DLGAP2: variants seen among roughly 807,000 people sequenced by gnomAD.
DLGAP2 encodes disks large-associated protein 2.
In DLGAP2, 26 loss-of-function variants were observed where a neutral mutation model predicts 100.3. The ratio of observed to expected loss-of-function variants is 0.26; its 90% CI spans 0.19 to 0.36. The LOEUF is 0.36. Among genes scored for constraint, DLGAP2 ranks in the 10% least tolerant of loss-of-function variants. The pLI, the probability that DLGAP2 is intolerant of heterozygous loss-of-function variation, is 1.00. For synonymous variants in DLGAP2, 886 were observed against 630.1 expected (o/e 1.41, Z -6.08); for missense variants, 1,858 against 1,453.2 (o/e 1.28, Z -4.53).
At chr8:1,229,922 T>G (rs1009834859) in intron 2 of DLGAP2, among the ~76,000 whole-genome samples, 9 of 152,178 alleles carry the variant, frequency 5.9e-5, no homozygotes, top group African/African-American at 1.9e-4. Flanking sequence ...TAATACTGAA[T>G]AGACACAAGC....
At chr8:827,803 A>G (rs1397004957) in intron 1 of DLGAP2, among the ~76,000 whole-genome samples, 1 of 152,236 alleles carries the variant, frequency 6.6e-6, no homozygotes, top group Non-Finnish European at 1.5e-5. Context: ...AACTGAGGAC[A>G]CATTTATTAT....
intron 2 of DLGAP2, among the ~76,000 whole-genome samples, chr8:1,076,353 C>T (rs551057295): frequency 2.6e-5 from 4 of 152,236 alleles, no homozygotes; most frequent in East Asian, 1.9e-4. Flanking sequence ...CAGCTCACTA[C>T]GTGGCAGTGA....
rs115290223 is a variant in DLGAP2, at chr8:765,586, C to T, written c.18+27761C>T. Among the ~76,000 whole-genome samples the T allele has an allele frequency of 5.4e-3, 817 of 152,162 alleles. 8 individuals carry two copies. Among genetic ancestry groups the T allele is most frequent in the African/African-American group, 0.019 (778 of 41,494 alleles). ...AGTCCAGTTTATATTGAAAACAGCA[C>T]CCCAAAATGGTCCTGAAACAACAGT... On this transcript the variant is annotated intron_variant, in intron 1 of 14. Coordinates refer to ENST00000637795, the MANE Select transcript of DLGAP2 (RefSeq NM_001346810.2).
chr8:1,216,662 G>A (rs1314190474), intron 2 of DLGAP2, among the ~76,000 whole-genome samples: 3 of 151,984 alleles, frequency 2.0e-5, no homozygotes, highest in African/African-American at 7.3e-5. Context: ...CCGCCAATAA[G>A]TATTTATCTA....
intron 3 of DLGAP2, among the ~76,000 whole-genome samples, chr8:1,293,735 A>G (rs1032322188): frequency 1.3e-5 from 2 of 152,176 alleles, no homozygotes; most frequent in Admixed American, 6.5e-5. Flanking sequence ...CAAACAAACG[A>G]TAATTAACAT....
chr8:848,157 C>T (rs1331519542), intron 1 of DLGAP2, among the ~76,000 whole-genome samples: 3 of 152,160 alleles, frequency 2.0e-5, no homozygotes, highest in Non-Finnish European at 4.4e-5. Flanking sequence ...CAGAGGCAAC[C>T]TTGAGACACT....
chr8:1,459,007 A>G (rs1798397532), intron 3 of DLGAP2, among the ~76,000 whole-genome samples: 2 of 151,112 alleles, frequency 1.3e-5, no homozygotes, highest in East Asian at 2.0e-4. Context: ...CCTACAGACC[A>G]GCATGCGTCC....
rs188548729 is a variant in DLGAP2, at chr8:1,276,402, G to A, written c.106+17519G>A. On this transcript the variant is annotated intron_variant, in intron 3 of 14. Transcript: ENST00000637795. The stretch of plus-strand genomic sequence containing the variant: ...GATGGAACCGTTTTGGATCTTGGCC[G>A]CACGTTGGGAAACCCACCCGGCTTT... 3.3e-5 allele frequency among the ~76,000 whole-genome samples: 5 copies of A among 152,192 alleles called. No individual in the cohort carries two copies. The South Asian group carries it at 6.2e-4, about 19-fold the overall frequency.
At chr8:1,157,552 G>A (rs1428966982) in intron 2 of DLGAP2, among the ~76,000 whole-genome samples, 1 of 152,168 alleles carries the variant, frequency 6.6e-6, no homozygotes, top group Non-Finnish European at 1.5e-5. Context: ...CAATCAGGCT[G>A]TGCTCTGTGT....
chr8:850,313 A>G (rs1375110086), intron 1 of DLGAP2, among the ~76,000 whole-genome samples: 1 of 152,136 alleles, frequency 6.6e-6, no homozygotes. Flanking sequence ...TCTCAAAGCA[A>G]TTTTTTGAAC....
intron 3 of DLGAP2, among the ~76,000 whole-genome samples, chr8:1,431,457 C>T (rs1797435371): frequency 6.6e-6 from 1 of 152,160 alleles, no homozygotes; most frequent in African/African-American, 2.4e-5. Context: ...AGACTCTACC[C>T]GTGGGCAAAG....
intron 2 of DLGAP2, among the ~76,000 whole-genome samples, chr8:971,600 C>T (rs1248630208): frequency 6.6e-6 from 1 of 152,186 alleles, no homozygotes; most frequent in African/African-American, 2.4e-5. Flanking sequence ...GCCCATTCTA[C>T]TTGTGTGAGT....
chr8:756,201 C>T (rs968384654), intron 1 of DLGAP2, among the ~76,000 whole-genome samples: 10 of 151,888 alleles, frequency 6.6e-5, no homozygotes, highest in Non-Finnish European at 1.3e-4. Context: ...GAGGAGCTGG[C>T]GTCTGGGGGG....
intron 8 of DLGAP2, among the ~76,000 whole-genome samples, chr8:1,644,290 C>G (rs1469822255): frequency 1.3e-5 from 2 of 152,226 alleles, no homozygotes; most frequent in Non-Finnish European, 2.9e-5. Context: ...AGCCTCGTCT[C>G]GGCTCTGTGC....
chr8:1,701,268 C>G lies in DLGAP2; in HGVS notation c.3030C>G (p.Asp1010Glu), dbSNP rs1186438257. The G allele has an allele frequency of 1.3e-6, 2 of 1,582,758 alleles. No homozygotes were observed. Among genetic ancestry groups the G allele is most frequent in the Non-Finnish European group, 1.7e-6 (2 of 1,165,216 alleles). Residue 1010 changes from aspartate (D) to glutamate (E), a missense_variant, in exon 15 of 15, where the codon GAC becomes GAG. Transcript: ENST00000637795. ...KFPITREKSLDLPDRQRQEAR... is the reference protein window; with the variant it reads ...KFPITREKSLELPDRQRQEAR... Reference sequence around the variant, plus strand: ...CCATCACAAGAGAAAAATCCCTGGACCTGCCCGACAGACAACGCCAGGAAG... The same window carrying G: ...CCATCACAAGAGAAAAATCCCTGGAGCTGCCCGACAGACAACGCCAGGAAG...
chr8:1,417,727 A>ACGGGGAGGCCACACTCCTGCCTCACT, intron 3 of DLGAP2, among the ~76,000 whole-genome samples: 3 of 111,566 alleles, frequency 2.7e-5, no homozygotes, highest in South Asian at 3.3e-4. Context: ...GAGGCTCCAG[A>ACGGGGAGGCCACACTCCTGCCTCACT]CACAGAAGCC....
intron 12 of DLGAP2, among the ~76,000 whole-genome samples, chr8:1,681,652 A>G (rs1409335516): frequency 6.6e-6 from 1 of 152,182 alleles, no homozygotes; most frequent in Non-Finnish European, 1.5e-5. Context: ...TCAAAAAAGA[A>G]AGAAAGAAAG....
chr8:1,319,808 G>A (rs571482003), intron 3 of DLGAP2, among the ~76,000 whole-genome samples: 5 of 152,334 alleles, frequency 3.3e-5, no homozygotes, highest in African/African-American at 7.2e-5. Context: ...GGAAGGAAAC[G>A]TAGATCACAT....
At chr8:1,469,904 C>T (rs1469874483) in intron 3 of DLGAP2, among the ~76,000 whole-genome samples, 1 of 151,900 alleles carries the variant, frequency 6.6e-6, no homozygotes, top group Non-Finnish European at 1.5e-5. Flanking sequence ...TGCCTGTAAT[C>T]CCACACTTTG....
Sources: allele counts gnomAD v4.1 joint callset (sites outside exome capture counted in the v4.1 genomes callset), GRCh38; gene constraint gnomAD v4.1.1; transcripts MANE v1.5; gene names NCBI Gene and HGNC (gene_info 2026-07-23, HGNC 2026-07-21).